Variants in ATP10B observed in about 807,000 individuals in gnomAD.
ATP10B encodes the protein phospholipid-transporting ATPase VB.
A neutral mutation model predicts 141.2 loss-of-function variants in ATP10B; 122 were observed. The observed-to-expected ratio is 0.86, with a 90% CI of 0.75 to 1.00. The LOEUF is 1.00. Among genes scored for constraint, ATP10B ranks in the 50% least tolerant of loss-of-function variants. The pLI is 0.00. For missense variants in ATP10B, 1,876 were observed against 1,825.3 expected (o/e 1.03, Z -0.51); for synonymous variants, 685 against 692.0 (o/e 0.99, Z 0.16).
At chr5:160,682,809 G>C (rs1032464439) in intron 6 of ATP10B, among the ~76,000 whole-genome samples, 17 of 152,206 alleles carry the variant, frequency 1.1e-4, no homozygotes, top group Admixed American at 1.0e-3. Flanking sequence ...GGAGGCCGAG[G>C]CGGGCGGATC....
chr5:160,823,042 A>T (rs1227719974), intron 1 of ATP10B, among the ~76,000 whole-genome samples: 10 of 131,582 alleles, frequency 7.6e-5, no homozygotes, highest in South Asian at 2.5e-4. Context: ...ATATAAAATA[A>T]AGAGTGTAAT....
At chr5:160,667,939 G>A (rs1281827083) in intron 7 of ATP10B, among the ~76,000 whole-genome samples, 3 of 151,934 alleles carry the variant, frequency 2.0e-5, no homozygotes, top group Non-Finnish European at 2.9e-5. Context: ...AAACAAAAAC[G>A]GTAGAATAGG....
intron 2 of ATP10B, among the ~76,000 whole-genome samples, chr5:160,772,766 G>A (rs891485937): frequency 6.6e-6 from 1 of 152,108 alleles, no homozygotes; most frequent in African/African-American, 2.4e-5. Flanking sequence ...CCTGGGGGTT[G>A]GGGAACCCCT....
chr5:160,675,211 T>C (rs1581331592), intron 6 of ATP10B, among the ~76,000 whole-genome samples: 1 of 152,214 alleles, frequency 6.6e-6, no homozygotes, highest in African/African-American at 2.4e-5. Context: ...CCACACACCC[T>C]GGACTGTCCC....
intron 8 of ATP10B, among the ~76,000 whole-genome samples, chr5:160,648,352 T>G (rs535420760): frequency 6.6e-6 from 1 of 152,326 alleles, no homozygotes; most frequent in East Asian, 1.9e-4. Context: ...GCTCATCAGC[T>G]ATTGTTAGGG....
chr5:160,618,086 C>T (rs1758126861), intron 15 of ATP10B, 113 bp from the exon 16 acceptor site: 4 of 843,676 alleles, frequency 4.7e-6, no homozygotes, highest in Non-Finnish European at 5.9e-6. Context: ...AGAAGGAATC[C>T]CTTACAGCCC....
intron 13 of ATP10B, among the ~76,000 whole-genome samples, chr5:160,624,492 A>G (rs1329766610): frequency 6.6e-6 from 1 of 152,236 alleles, no homozygotes; most frequent in Non-Finnish European, 1.5e-5. Context: ...GAGGGCTAAT[A>G]AAACTGAATC....
intron 3 of ATP10B, among the ~76,000 whole-genome samples, chr5:160,707,697 T>C (rs1440691976): frequency 1.3e-5 from 2 of 152,166 alleles, no homozygotes; most frequent in African/African-American, 4.8e-5. Flanking sequence ...AGAGAATCTA[T>C]AAAGTCAAAA....
At chr5:160,758,266 GT>G (rs763151204) in intron 2 of ATP10B, among the ~76,000 whole-genome samples, 14 of 151,866 alleles carry the variant, frequency 9.2e-5, no homozygotes, top group African/African-American at 2.9e-4. Flanking sequence ...AGCTTGTGTT[GT>G]TTTTTTTAAT....
At chr5:160,832,056 G>A (rs1215707740) in intron 1 of ATP10B, among the ~76,000 whole-genome samples, 1 of 152,060 alleles carries the variant, frequency 6.6e-6, no homozygotes, top group Non-Finnish European at 1.5e-5. Context: ...TGTTCAAGGG[G>A]TCAAATAGCC....
At chr5:160,891,148 C>T in the ATP10B span, among the ~76,000 whole-genome samples, 1 of 152,254 alleles carries the variant, frequency 6.6e-6, no homozygotes, top group South Asian at 2.1e-4. Context: ...CTTTTTGAGG[C>T]CTTTTGTGTA....
chr5:160,727,019 A>G (rs1766414492), intron 2 of ATP10B, among the ~76,000 whole-genome samples: 1 of 152,078 alleles, frequency 6.6e-6, no homozygotes, highest in Non-Finnish European at 1.5e-5. Flanking sequence ...ATATTGATTG[A>G]TGTCTCAGCT....
chr5:160,879,710 C>T, the ATP10B span, among the ~76,000 whole-genome samples: 21,001 of 151,718 alleles, frequency 0.14, 1,558 homozygotes, highest in African/African-American at 0.19. Context: ...TGGTAGCGGG[C>T]GCCTGTAGTC....
At chr5:160,748,119 T>A (rs1227331327) in intron 2 of ATP10B, among the ~76,000 whole-genome samples, 4 of 152,104 alleles carry the variant, frequency 2.6e-5, no homozygotes, top group Admixed American at 2.6e-4. Context: ...CAGAAACAGC[T>A]GCAGGAATCT....
At chr5:160,732,892 C>T (rs935726603) in intron 2 of ATP10B, among the ~76,000 whole-genome samples, 8 of 152,192 alleles carry the variant, frequency 5.3e-5, no homozygotes, top group East Asian at 1.9e-4. Flanking sequence ...GCCCGTGCTA[C>T]GGTGCAGTGG....
intron 1 of ATP10B, among the ~76,000 whole-genome samples, chr5:160,811,468 C>A (rs1050680001): frequency 2.0e-5 from 3 of 151,960 alleles, no homozygotes; most frequent in Admixed American, 6.5e-5. Flanking sequence ...GGGTGATTCC[C>A]AGACCAGGCA....
At chr5:160,591,707 C>G (rs939631984) in intron 22 of ATP10B, among the ~76,000 whole-genome samples, 2 of 152,098 alleles carry the variant, frequency 1.3e-5, no homozygotes, top group African/African-American at 2.4e-5. Context: ...TGTGCCTTCC[C>G]CAGGAAAAGT....
intron 1 of ATP10B, among the ~76,000 whole-genome samples, chr5:160,792,006 C>T (rs1296203537): frequency 6.6e-6 from 1 of 152,108 alleles, no homozygotes; most frequent in Non-Finnish European, 1.5e-5. Flanking sequence ...AGTCCTTTCT[C>T]CTAACTCCAT....
At chr5:160,860,322 C>A in the ATP10B span, among the ~76,000 whole-genome samples, 1 of 151,894 alleles carries the variant, frequency 6.6e-6, no homozygotes, top group Non-Finnish European at 1.5e-5. Flanking sequence ...ATCTACTATA[C>A]AGAATTAGAG....
Sources: gnomAD v4.1 joint callset for allele counts (sites outside exome capture counted in the v4.1 genomes callset) on GRCh38, gnomAD v4.1.1 for gene constraint, MANE v1.5 for transcripts, NCBI Gene and HGNC (gene_info 2026-07-23, HGNC 2026-07-21) for gene names.